CACNA1D: variants seen among roughly 807,000 people sequenced by gnomAD.
CACNA1D encodes the protein voltage-dependent L-type calcium channel subunit alpha-1D.
A neutral mutation model predicts 257.1 loss-of-function variants in CACNA1D; 55 were observed. The ratio of observed to expected loss-of-function variants is 0.21; its 90% CI spans 0.17 to 0.27. The LOEUF (loss-of-function observed/expected upper bound fraction) is 0.27. Ranked by LOEUF, CACNA1D falls within the 10% of genes least tolerant of loss-of-function variation. The pLI is 1.00. For missense variants in CACNA1D, 1,876 were observed against 2,784.0 expected (o/e 0.67, Z 7.34); for synonymous variants, 980 against 1,014.9 (o/e 0.97, Z 0.65).
chr3:53,747,477 G>A, intron 26 of CACNA1D, 29 bp downstream of exon 26: 1 of 1,612,924 alleles, frequency 6.2e-7, no homozygotes. Context: ...CAGTCTTCTG[G>A]AGAGGCACCT....
chr3:53,534,598 C>T (rs911926148), intron 3 of CACNA1D, among the ~76,000 whole-genome samples: 7 of 152,154 alleles, frequency 4.6e-5, no homozygotes, highest in African/African-American at 7.2e-5. Flanking sequence ...TCTCTGTCCC[C>T]GTCTCTCTCT....
rs997955792 is a variant in CACNA1D at position 53,772,904 on chromosome 3, C to A, written c.4110+6C>A. 6.2e-7 allele frequency: 1 copy of A among 1,612,820 alleles called. No individual in the cohort carries two copies. The highest frequency in any genetic ancestry group is 2.2e-5 in the East Asian group (1 of 44,872). ...ATGCGGTCATTGGCATGCAGGTAAG[C>A]TCCAGCCATCTCGCCCTCAGGGGCC... On this transcript the variant is annotated splice_donor_region_variant and intron_variant, in intron 33 of 47. Transcript: ENST00000350061.
chr3:53,626,242 G>C (rs1034134593), intron 3 of CACNA1D, among the ~76,000 whole-genome samples: 6 of 152,194 alleles, frequency 3.9e-5, no homozygotes, highest in Non-Finnish European at 7.3e-5. Context: ...TGAAGAGGAG[G>C]GGGTGAATGT....
At chr3:53,592,264 G>T (rs1576005036) in intron 3 of CACNA1D, among the ~76,000 whole-genome samples, 2 of 152,328 alleles carry the variant, frequency 1.3e-5, no homozygotes, top group East Asian at 3.9e-4. Context: ...ATGTAGGCAG[G>T]GATCTGAAAG....
At chr3:53,590,055 A>C (rs1243396380) in intron 3 of CACNA1D, among the ~76,000 whole-genome samples, 2 of 151,926 alleles carry the variant, frequency 1.3e-5, no homozygotes, top group African/African-American at 4.8e-5. Context: ...CACCTCCTCA[A>C]ATCCCTTTGG....
At chr3:53,725,058 T>C (rs1272782328) in intron 14 of CACNA1D, among the ~76,000 whole-genome samples, 1 of 148,826 alleles carries the variant, frequency 6.7e-6, no homozygotes, top group Non-Finnish European at 1.5e-5. Flanking sequence ...ATGTTACAAA[T>C]GAATAATAAT....
chr3:53,772,225 C>G (rs551951298), intron 32 of CACNA1D, among the ~76,000 whole-genome samples: 6 of 152,306 alleles, frequency 3.9e-5, no homozygotes, highest in South Asian at 4.1e-4. Context: ...GCCCAGCCCC[C>G]CAACTTAGCA....
chr3:53,723,682 G>A lies in CACNA1D; in HGVS notation c.1892+23G>A. The A allele has an allele frequency of 3.7e-6, 6 of 1,608,308 alleles. No homozygotes were observed. Among genetic ancestry groups the A allele is most frequent in the Non-Finnish European group, 4.3e-6 (5 of 1,174,738 alleles). ...CAGGTAAGGAAATGTGGGTCCCACT[G>A]CAAATGTTTTATGAACATGAGGCGG... On this transcript the variant is annotated intron_variant, in intron 13 of 47. Transcript: ENST00000350061. This position sits in a 1 kb window ranked among gnomAD's most constrained non-coding sequence, Gnocchi z 5.6.
At chr3:53,645,795 T>A (rs1174815653) in intron 3 of CACNA1D, among the ~76,000 whole-genome samples, 1 of 152,152 alleles carries the variant, frequency 6.6e-6, no homozygotes, top group Non-Finnish European at 1.5e-5. Flanking sequence ...GAAAGTGTCA[T>A]TTAAGCTGAG....
At chr3:53,533,431 A>G (rs1203740084) in intron 3 of CACNA1D, among the ~76,000 whole-genome samples, 3 of 152,146 alleles carry the variant, frequency 2.0e-5, no homozygotes, top group Admixed American at 2.0e-4. Context: ...ATTCTCTTGT[A>G]TTATGTTATT....
Position 53,751,266 on chromosome 3 carries a change from C to A in CACNA1D, c.3517-483C>A, listed in dbSNP as rs534187829. Among the ~76,000 whole-genome samples the A allele has an allele frequency of 6.6e-5, 10 of 152,344 alleles. No homozygotes were observed. The highest frequency in any genetic ancestry group is 3.4e-3 in the Middle Eastern group (1 of 294). On this transcript the variant is annotated intron_variant, in intron 27 of 47. Coordinates refer to ENST00000350061, the MANE Select transcript of CACNA1D (RefSeq NM_001128840.3). The surrounding 1 kb of genome is among the most constrained non-coding windows in gnomAD (Gnocchi z 4.3). ...CTACTAGTCTTGGGGAATGAGCCAG[C>A]CCCTCTCGTTCTTGTGAGTTTCTGT...
At chr3:53,619,273 C>G (rs2093670077) in intron 3 of CACNA1D, among the ~76,000 whole-genome samples, 1 of 152,218 alleles carries the variant, frequency 6.6e-6, no homozygotes, top group Admixed American at 6.5e-5. Context: ...TGCCTCCTGT[C>G]TCCTGGCCCT....
chr3:53,539,112 TTTG>T (rs939929067), intron 3 of CACNA1D, among the ~76,000 whole-genome samples: 123 of 152,228 alleles, frequency 8.1e-4, no homozygotes, highest in African/African-American at 2.9e-3. Flanking sequence ...AATTTTTTTT[TTTG>T]TTGTTGTTGT....
intron 3 of CACNA1D, among the ~76,000 whole-genome samples, chr3:53,598,414 A>G (rs965142934): frequency 2.2e-5 from 3 of 139,200 alleles, no homozygotes; most frequent in Admixed American, 7.2e-5. Context: ...CGTCTCTACT[A>G]AAAAAAAAAA....
At chr3:53,797,542 C>T (rs2095513420) in intron 40 of CACNA1D, among the ~76,000 whole-genome samples, 1 of 152,204 alleles carries the variant, frequency 6.6e-6, no homozygotes, top group African/African-American at 2.4e-5. Context: ...GAAGTGGCAA[C>T]TTGGGCCACC....
intron 45 of CACNA1D, 94 bp from the exon 46 acceptor site, chr3:53,808,555 C>A: frequency 6.8e-7 from 1 of 1,472,880 alleles, no homozygotes; most frequent in Non-Finnish European, 9.4e-7. Context: ...TTCCTGGGCT[C>A]GTTGCTGAGC....
chr3:53,513,549 A>T (rs2091208506), intron 3 of CACNA1D, among the ~76,000 whole-genome samples: 1 of 152,168 alleles, frequency 6.6e-6, no homozygotes, highest in Admixed American at 6.5e-5. Flanking sequence ...TGGGAGAATC[A>T]CTTGAGCCTG....
chr3:53,666,933 C>T (rs1376875973), intron 7 of CACNA1D, among the ~76,000 whole-genome samples: 1 of 152,130 alleles, frequency 6.6e-6, no homozygotes, highest in Non-Finnish European at 1.5e-5. Flanking sequence ...ATCATTTATA[C>T]ATCAAGGCAG....
intron 21 of CACNA1D, among the ~76,000 whole-genome samples, chr3:53,740,685 A>G (rs2095108794): frequency 1.3e-5 from 2 of 149,650 alleles, no homozygotes; most frequent in African/African-American, 4.9e-5. Context: ...CTTTGAATGC[A>G]TGTAGGAGCC....
Sources: allele counts gnomAD v4.1 joint callset (sites outside exome capture counted in the v4.1 genomes callset), GRCh38; gene constraint gnomAD v4.1.1; non-coding constraint Gnocchi (gnomAD v3.1); transcripts MANE v1.5; gene names NCBI Gene and HGNC (gene_info 2026-07-23, HGNC 2026-07-21).